Variants in UNC13C observed in about 807,000 individuals in gnomAD.
UNC13C encodes protein unc-13 homolog C.
A neutral mutation model predicts 245.4 loss-of-function variants in UNC13C; 174 were observed. The ratio of observed to expected loss-of-function variants is 0.71; its 90% CI spans 0.63 to 0.80. UNC13C has a LOEUF of 0.80. Ranked by LOEUF, UNC13C falls within the 30% of genes least tolerant of loss-of-function variation. The probability of loss-of-function intolerance (pLI) is 0.00; values close to 1 mark genes in which losing one functional copy is unlikely to be tolerated. For synonymous variants in UNC13C, 992 were observed against 895.1 expected (o/e 1.11, Z -1.93); for missense variants, 2,829 against 2,602.9 (o/e 1.09, Z -1.89).
chr15:54,321,971 G>A lies in UNC13C; in HGVS notation c.4301G>A (p.Cys1434Tyr), dbSNP rs1370664668. The A allele has an allele frequency of 3.8e-6, 6 of 1,583,844 alleles. No homozygotes were observed. The highest frequency in any genetic ancestry group is 1.7e-4 in the Middle Eastern group (1 of 6,012). The change falls in exon 14 of 33, where the codon TGC (cysteine) becomes TAC (tyrosine). Residue 1434 changes from cysteine (C) to tyrosine (Y), a missense_variant. Cys to Tyr is a radical substitution (Grantham distance 194). Coordinates refer to ENST00000260323, the MANE Select transcript of UNC13C (RefSeq NM_001080534.3). ...HFSCLSSKYM[C>Y]PGVPAVMSTL... ...TCATGTCTGTCTTCTAAATACATGT[G>A]CCCCGGTGTCCCTGCCGTCATGAGC...
intron 10 of UNC13C, among the ~76,000 whole-genome samples, chr15:54,287,771 A>AGTG: frequency 6.6e-6 from 1 of 152,156 alleles, no homozygotes; most frequent in Non-Finnish European, 1.5e-5. Flanking sequence ...GAAGGAGGGG[A>AGTG]GTGGTTTGAA....
chr15:54,615,192 C>G (rs983922796), intron 30 of UNC13C, among the ~76,000 whole-genome samples: 1 of 151,974 alleles, frequency 6.6e-6, no homozygotes. Context: ...TCTCCTCAAG[C>G]ATTTATCCTT....
Position 54,379,743 on chromosome 15 carries a change from C to G in UNC13C, c.4714-13305C>G, listed in dbSNP as rs529915031. Among the ~76,000 whole-genome samples, 6 of 152,252 alleles carry G rather than the reference C, an allele frequency of 3.9e-5. No individual in the cohort carries two copies. The East Asian group carries it at 1.2e-3, about 29-fold the overall frequency. ...TTAGAAAAGCAATGGTCAATAGGAGCTGTGAATATTGGCCCCAATTCCATT... is the reference window on the plus strand; with the variant it reads ...TTAGAAAAGCAATGGTCAATAGGAGGTGTGAATATTGGCCCCAATTCCATT... On this transcript the variant is annotated intron_variant, in intron 17 of 32. Coordinates refer to ENST00000260323, the MANE Select transcript of UNC13C (RefSeq NM_001080534.3).
intron 19 of UNC13C, among the ~76,000 whole-genome samples, chr15:54,478,603 C>T (rs1268347774): frequency 6.6e-6 from 1 of 151,356 alleles, no homozygotes; most frequent in African/African-American, 2.4e-5. Context: ...TGTTCAGTTT[C>T]CATGTAGTTG....
intron 1 of UNC13C, among the ~76,000 whole-genome samples, chr15:54,009,547 C>CTTTT (rs368634860): frequency 9.0e-5 from 13 of 143,986 alleles, no homozygotes; most frequent in African/African-American, 1.5e-4. Context: ...TCTTCTTCTT[C>CTTTT]TTCTTTTTTT....
At chr15:54,528,621 C>G (rs1895595583) in intron 25 of UNC13C, among the ~76,000 whole-genome samples, 1 of 151,738 alleles carries the variant, frequency 6.6e-6, no homozygotes, top group Non-Finnish European at 1.5e-5. Context: ...CACCCCTTGT[C>G]CAGTCTGTCC....
chr15:54,363,476 A>G (rs1227987962), intron 17 of UNC13C, among the ~76,000 whole-genome samples: 1 of 152,234 alleles, frequency 6.6e-6, no homozygotes, highest in African/African-American at 2.4e-5. Context: ...AGTGAAAGTC[A>G]TAAGGACTGA....
chr15:54,485,969 T>C (rs796161867), intron 19 of UNC13C, among the ~76,000 whole-genome samples: 11 of 152,278 alleles, frequency 7.2e-5, no homozygotes, highest in Admixed American at 2.0e-4. Flanking sequence ...CATTACATTA[T>C]ATATTTTTTT....
In UNC13C at chr15:54,551,162, C is replaced by G. The variant is rs576856993; in HGVS notation, c.5877+1471C>G. On this transcript the variant is annotated intron_variant, in intron 28 of 32. Transcript: ENST00000260323. ...TTTACAGGACCCAGATACTCACTGC[C>G]TCTCAACTCTGCCCTTCTCCTTGTT... Among the ~76,000 whole-genome samples the G allele has an allele frequency of 2.4e-3, 365 of 152,220 alleles. 1 individual carries two copies. Among genetic ancestry groups the G allele is most frequent in the African/African-American group, 8.4e-3 (350 of 41,558 alleles).
chr15:54,184,442 G>A (rs530018393), intron 4 of UNC13C, among the ~76,000 whole-genome samples: 21 of 151,736 alleles, frequency 1.4e-4, no homozygotes, highest in Admixed American at 2.0e-4. Context: ...AACAGTCCCC[G>A]GTGTGTGATG....
At chr15:54,244,494 C>T (rs1190520530) in intron 7 of UNC13C, among the ~76,000 whole-genome samples, 2 of 152,254 alleles carry the variant, frequency 1.3e-5, no homozygotes, top group East Asian at 3.9e-4. Flanking sequence ...AAAGTTTCTT[C>T]TAATTCTGTG....
At position 54,494,605 on chromosome 15, in the gene UNC13C, T is replaced by C. The variant is rs1178946396; in HGVS notation, c.4934-3T>C. 1 of 1,605,694 alleles carries C rather than the reference T, an allele frequency of 6.2e-7. No individual in the cohort carries two copies. Among genetic ancestry groups the C allele is most frequent in the East Asian group, 2.2e-5 (1 of 44,602 alleles). On this transcript the variant is annotated splice_polypyrimidine_tract_variant and splice_region_variant and intron_variant, in intron 19 of 32. Coordinates refer to ENST00000260323, the MANE Select transcript of UNC13C (RefSeq NM_001080534.3). ...ATTAAATATTTAATTTTATCTGTTA[T>C]AGAACATGAAAATCAGCGGTTATGC...
intron 4 of UNC13C, among the ~76,000 whole-genome samples, chr15:54,152,267 A>AGGAG (rs2032553581): frequency 6.6e-6 from 1 of 152,160 alleles, no homozygotes; most frequent in Admixed American, 6.5e-5. Context: ...TGCCAACTTA[A>AGGAG]TATGGCAGCT....
intron 4 of UNC13C, among the ~76,000 whole-genome samples, chr15:54,213,822 G>A (rs2034957774): frequency 6.6e-6 from 1 of 151,942 alleles, no homozygotes; most frequent in Non-Finnish European, 1.5e-5. Flanking sequence ...TTTGCAACTT[G>A]CCAACCTAAC....
intron 1 of UNC13C, among the ~76,000 whole-genome samples, chr15:54,010,328 G>A (rs774055276): frequency 3.4e-4 from 51 of 152,168 alleles, no homozygotes; most frequent in South Asian, 6.2e-4. Flanking sequence ...AATATTTAAC[G>A]TAAATAATTA....
chr15:54,573,608 A>G (rs1897845776), intron 30 of UNC13C, among the ~76,000 whole-genome samples: 1 of 152,206 alleles, frequency 6.6e-6, no homozygotes, highest in African/African-American at 2.4e-5. Flanking sequence ...AGTGAGAAAT[A>G]TGTTCAAAGG....
intron 29 of UNC13C, among the ~76,000 whole-genome samples, chr15:54,566,073 C>G (rs1053591194): frequency 6.6e-6 from 1 of 151,872 alleles, no homozygotes; most frequent in Non-Finnish European, 1.5e-5. Context: ...AGTTCCCCCC[C>G]TACTCTTGGC....
chr15:54,606,012 A>AT (rs1899749024), intron 30 of UNC13C, among the ~76,000 whole-genome samples: 1 of 152,210 alleles, frequency 6.6e-6, no homozygotes, highest in African/African-American at 2.4e-5. Flanking sequence ...TAAAACCATT[A>AT]TATGACATTG....
chr15:54,620,467 T>C (rs1900724722), intron 30 of UNC13C, among the ~76,000 whole-genome samples: 1 of 152,194 alleles, frequency 6.6e-6, no homozygotes, highest in South Asian at 2.1e-4. Flanking sequence ...TAGAATGTTA[T>C]GGCCAGGTGC....
Sources: gnomAD v4.1 joint callset for allele counts (sites outside exome capture counted in the v4.1 genomes callset) on GRCh38, gnomAD v4.1.1 for gene constraint, MANE v1.5 for transcripts, NCBI Gene and HGNC (gene_info 2026-07-23, HGNC 2026-07-21) for gene names.